BCOR: variants seen among roughly 807,000 people sequenced by gnomAD.
BCOR encodes the protein BCL-6 corepressor.
A neutral mutation model predicts 86.7 loss-of-function variants in BCOR; 10 were observed. That is an observed-to-expected ratio of 0.12 (90% confidence interval 0.07 to 0.20). BCOR has a LOEUF of 0.20. Among genes scored for constraint, BCOR ranks in the 10% least tolerant of loss-of-function variants. The pLI is 1.00. For missense variants in BCOR, 1,259 were observed against 1,452.1 expected (o/e 0.87, Z 2.16); for synonymous variants, 611 against 609.0 (o/e 1.00, Z -0.05).
At chrX:40,078,997 C>G (rs910341967) in intron 1 of BCOR, among the ~76,000 whole-genome samples, 1 of 111,833 alleles carries the variant, frequency 8.9e-6, no homozygotes, top group Non-Finnish European at 1.9e-5. Context: ...CTTTTGACTG[C>G]GCTTCAGCCC....
At chrX:40,094,242 G>A (rs1262766901) in intron 1 of BCOR, among the ~76,000 whole-genome samples, 1 of 111,723 alleles carries the variant, frequency 9.0e-6, no homozygotes, top group Non-Finnish European at 1.9e-5. Context: ...CCATCTCCGC[G>A]CCTCCCCCCC....
chrX:40,121,363 A>G (rs986208007), intron 1 of BCOR, among the ~76,000 whole-genome samples: 4 of 112,045 alleles, frequency 3.6e-5, no homozygotes, highest in Admixed American at 1.9e-4. Flanking sequence ...TACCTTCCCC[A>G]AACAGTCATC....
chrX:40,095,620 C>T (rs1031613219), intron 1 of BCOR, among the ~76,000 whole-genome samples: 1 of 112,543 alleles, frequency 8.9e-6, no homozygotes, highest in African/African-American at 3.2e-5. Flanking sequence ...AAACCCCGAG[C>T]TGTCTAGTCT....
intron 10 of BCOR, among the ~76,000 whole-genome samples, chrX:40,060,822 T>C (rs773942505): frequency 8.0e-5 from 9 of 112,935 alleles, no homozygotes; most frequent in African/African-American, 2.9e-4. Context: ...AACAAGCTGG[T>C]ATGAATAGAC....
rs1336742612 is a variant in BCOR at position 40,139,495 on chromosome X, ATATTT to A, written c.-41+37507_-41+37511del. Among the ~76,000 whole-genome samples the A allele has an allele frequency of 9.0e-4, 5 of 5,586 alleles. 1 individual carries two copies. The highest frequency in any genetic ancestry group is 3.4e-3 in the African/African-American group (5 of 1,463). 4.9% of individuals were successfully genotyped at this position (5,586 alleles called of 115,157 possible). A position where few individuals can be genotyped will look rare whatever the true frequency, so the allele number is the denominator to read the frequency against. ...TATATATATATATATATATATATAT[ATATTT>A]TTTTTTTTTTTTAAGCATCAGCCTT... On this transcript the variant is annotated intron_variant, in intron 1 of 14. Transcript: ENST00000342274.
upstream of BCOR, among the ~76,000 whole-genome samples, chrX:40,099,570 C>T (rs1016187416): frequency 8.9e-6 from 1 of 112,066 alleles, no homozygotes; most frequent in African/African-American, 3.2e-5. Flanking sequence ...GGAGTGTCCC[C>T]ATGCCAAAAA....
upstream of BCOR, among the ~76,000 whole-genome samples, chrX:40,100,379 G>C (rs1401645922): frequency 4.5e-5 from 5 of 112,054 alleles, no homozygotes; most frequent in Non-Finnish European, 9.4e-5. Context: ...GCCCTGGCCC[G>C]GCGCCCAGCC....
At chrX:40,103,489 A>C (rs1458014321) in intron 1 of BCOR, among the ~76,000 whole-genome samples, 2 of 110,578 alleles carry the variant, frequency 1.8e-5, no homozygotes, top group African/African-American at 6.6e-5. Flanking sequence ...GGAGGGGAGA[A>C]GTTCAGAAAG....
Position 40,076,739 on chromosome X carries a change from GC to G in BCOR, c.87-208del, listed in dbSNP as rs1179184188. 6.2e-5 allele frequency among the ~76,000 whole-genome samples: 7 copies of G among 112,644 alleles called. No individual in the cohort carries two copies. The Admixed American group carries it at 6.5e-4, about 11-fold the overall frequency. ...CCAGGAAAAACAAAGGAAACGCAAAGCTTTCATGTGTGAGGACATGAATCAC... is the reference window on the plus strand; with the variant it reads ...CCAGGAAAAACAAAGGAAACGCAAAGTTTCATGTGTGAGGACATGAATCAC... On this transcript the variant is annotated intron_variant, in intron 2 of 14. Coordinates refer to ENST00000378444, the MANE Select transcript of BCOR (RefSeq NM_001123385.2).
intron 8 of BCOR, 39 bp from the exon 9 acceptor site, chrX:40,063,110 G>GGGGGGGGGGGGGGGGGGGA: frequency 1.6e-6 from 1 of 644,554 alleles, no homozygotes; most frequent in East Asian, 5.7e-5. Context: ...GGGCGGATGG[G>GGGGGGGGGGGGGGGGGGGA]AGACGGGAGA....
intron 1 of BCOR, among the ~76,000 whole-genome samples, chrX:40,154,598 T>G (rs1247209922): frequency 2.0e-5 from 1 of 50,319 alleles, no homozygotes; most frequent in Non-Finnish European, 3.7e-5. Context: ...CCACCCCACC[T>G]TTCTCCAGTT....
intron 1 of BCOR, among the ~76,000 whole-genome samples, chrX:40,159,364 T>C (rs950846680): frequency 2.0e-4 from 23 of 113,173 alleles, no homozygotes; most frequent in African/African-American, 6.4e-4. Context: ...TTTTGTTTTT[T>C]GAGACAGAGT....
intron 14 of BCOR, among the ~76,000 whole-genome samples, chrX:40,053,401 G>A (rs899664020): frequency 1.8e-5 from 2 of 111,814 alleles, no homozygotes; most frequent in African/African-American, 6.5e-5. Context: ...TCAACCATAG[G>A]GGGCAGAGGG....
chrX:40,091,284 C>T (rs2066398593), intron 1 of BCOR, among the ~76,000 whole-genome samples: 1 of 112,524 alleles, frequency 8.9e-6, no homozygotes, highest in Non-Finnish European at 1.9e-5. Flanking sequence ...GATCATTGTC[C>T]GCCTTCCACA....
At position 40,062,029 on chromosome X, in the gene BCOR, C is replaced by T. The variant is rs759649519; in HGVS notation, c.4428+110G>A. On this transcript the variant is annotated intron_variant, in intron 10 of 14. Transcript: ENST00000378444. ...TCCTGTTGGAGCACCGGCCCAGCCC[C>T]GATGTGGAGGGGGCTGAGCTCTGCT... The T allele has an allele frequency of 4.6e-5, 46 of 1,006,442 alleles. No individual in the cohort carries two copies. In the East Asian group the frequency reaches 1.2e-3, roughly 26 times the overall value. 82.9% of individuals were successfully genotyped at this position (1,006,442 alleles called of 1,213,427 possible).
intron 1 of BCOR, among the ~76,000 whole-genome samples, chrX:40,094,864 C>G (rs763110729): frequency 1.5e-3 from 169 of 113,325 alleles, no homozygotes; most frequent in Non-Finnish European, 2.9e-3. Flanking sequence ...GAGGCCAGGA[C>G]GGCCCTGCAA....
At chrX:40,139,479 ATATATAT>A (rs1937846156) in intron 1 of BCOR, among the ~76,000 whole-genome samples, 1 of 11,876 alleles carries the variant, frequency 8.4e-5, no homozygotes, top group East Asian at 2.3e-3. Flanking sequence ...ATATATATAT[ATATATAT>A]ATATATATAT....
chrX:40,088,468 GGAGGAGGAGGGGGA>G (rs2147550462), intron 1 of BCOR, among the ~76,000 whole-genome samples: 1 of 111,582 alleles, frequency 9.0e-6, no homozygotes, highest in Non-Finnish European at 1.9e-5. Context: ...GGAAAAAGAG[GGAGGAGGAGGGGGA>G]GAGGAGGAGA....
Position 40,062,309 on chromosome X carries a change from C to T in BCOR, c.4258G>A (p.Asp1420Asn), listed in dbSNP as rs886042813. The T allele has an allele frequency of 1.7e-6, 2 of 1,209,277 alleles. No homozygotes were observed. The highest frequency in any genetic ancestry group is 2.2e-5 in the Admixed American group (1 of 45,809). The change falls in exon 10 of 15, where the codon GAC becomes AAC. Residue 1420 changes from aspartate (D) to asparagine (N), a missense_variant. Physicochemically the swap from Asp to Asn is conservative, Grantham distance 23 (BLOSUM62 1). Coordinates refer to ENST00000378444, the MANE Select transcript of BCOR (RefSeq NM_001123385.2). ...SPAKQEPKPF[D>N]RLQQLLPASQ... ...GCTGGTAGCAGTTGCTGCAAGCGGT[C>T]GAAGGGCTTTGGCTCCTGCTTGGCT...
Sources: gnomAD v4.1 joint callset for allele counts (sites outside exome capture counted in the v4.1 genomes callset) on GRCh38, gnomAD v4.1.1 for gene constraint, MANE v1.5 for transcripts, NCBI Gene and HGNC (gene_info 2026-07-23, HGNC 2026-07-21) for gene names.